IMMP2L: variants seen among roughly 807,000 people sequenced by gnomAD.
IMMP2L encodes mitochondrial inner membrane protease subunit 2.
A neutral mutation model predicts 19.3 loss-of-function variants in IMMP2L; 18 were observed. The ratio of observed to expected loss-of-function variants is 0.93; its 90% CI spans 0.64 to 1.38. The LOEUF is 1.38. Ranked by LOEUF, IMMP2L falls within the 40% of genes most tolerant of loss-of-function variation. The pLI, the probability that IMMP2L is intolerant of heterozygous loss-of-function variation, is 0.00. For synonymous variants in IMMP2L, 76 were observed against 73.0 expected (o/e 1.04, Z -0.21); for missense variants, 233 against 218.2 (o/e 1.07, Z -0.43).
At chr7:111,263,599 C>A (rs1016260005) in intron 3 of IMMP2L, among the ~76,000 whole-genome samples, 2 of 152,054 alleles carry the variant, frequency 1.3e-5, no homozygotes, top group African/African-American at 2.4e-5. Flanking sequence ...CTGGGATAGA[C>A]AGATAAATTT....
At chr7:110,813,005 A>G (rs935947425) in intron 5 of IMMP2L, among the ~76,000 whole-genome samples, 2 of 152,094 alleles carry the variant, frequency 1.3e-5, no homozygotes, top group African/African-American at 4.8e-5. Flanking sequence ...AAAAACTCCT[A>G]GAAGACCTGA....
intron 3 of IMMP2L, among the ~76,000 whole-genome samples, chr7:111,279,524 C>T (rs185513929): frequency 1.3e-5 from 2 of 152,186 alleles, no homozygotes; most frequent in Admixed American, 1.3e-4. Flanking sequence ...CCAAAGGATG[C>T]CATCTTGAGA....
At chr7:110,730,707 A>C (rs1036428241) in intron 5 of IMMP2L, among the ~76,000 whole-genome samples, 4 of 151,894 alleles carry the variant, frequency 2.6e-5, no homozygotes, top group Admixed American at 6.6e-5. Context: ...TTGTATTTTC[A>C]GTAGAGACGG....
chr7:111,124,973 A>G (rs1801138414), intron 3 of IMMP2L: 2 of 1,064,920 alleles, frequency 1.9e-6, no homozygotes, highest in Non-Finnish European at 2.7e-6. Context: ...TGCTAAAAAC[A>G]AAACAAAACA....
Position 111,075,458 on chromosome 7 carries a change from T to C in IMMP2L, c.240-111893A>G, listed in dbSNP as rs181594583. 5.0e-3 allele frequency among the ~76,000 whole-genome samples: 763 copies of C among 152,320 alleles called. 4 individuals are homozygous for C. The highest frequency in any genetic ancestry group is 0.018 in the African/African-American group (731 of 41,572). ...TACAGACACTTAAAAGTTTTATTTA[T>C]ATCTATCATAAATGAATATTAGTAG... On this transcript the variant is annotated intron_variant, in intron 3 of 5. Transcript: ENST00000405709.
At chr7:111,523,805 T>C (rs143078060) in intron 1 of IMMP2L, among the ~76,000 whole-genome samples, 5 of 152,250 alleles carry the variant, frequency 3.3e-5, no homozygotes, top group Admixed American at 2.6e-4. Flanking sequence ...AAGGTACTGA[T>C]TGTTTCTGCG....
At position 111,063,222 on chromosome 7, in the gene IMMP2L, T is replaced by C. The variant is rs139311843; in HGVS notation, c.240-99657A>G. Among the ~76,000 whole-genome samples, 691 of 152,292 alleles carry C rather than the reference T, an allele frequency of 4.5e-3. 4 individuals carry two copies. The highest frequency in any genetic ancestry group is 0.016 in the African/African-American group (661 of 41,578). ...CTATGCACCTGCAGGCTCAAAACCA[T>C]GTGGAGCTGCCAAGGTTTGGTGCTT... On this transcript the variant is annotated intron_variant, in intron 3 of 5. Transcript: ENST00000405709.
At chr7:111,250,039 A>T (rs1815907003) in intron 3 of IMMP2L, among the ~76,000 whole-genome samples, 1 of 152,184 alleles carries the variant, frequency 6.6e-6, no homozygotes, top group Non-Finnish European at 1.5e-5. Flanking sequence ...CCTTAAGCTG[A>T]TAAGCAATTT....
At chr7:110,714,984 G>A (rs1795145412) in intron 5 of IMMP2L, among the ~76,000 whole-genome samples, 1 of 152,014 alleles carries the variant, frequency 6.6e-6, no homozygotes, top group Non-Finnish European at 1.5e-5. Context: ...ATTTCTTCCT[G>A]TTTTCAATTT....
Position 110,808,861 on chromosome 7 carries a change from T to A in IMMP2L, c.408+77732A>T, listed in dbSNP as rs544839067. On this transcript the variant is annotated intron_variant, in intron 5 of 5. Coordinates refer to ENST00000405709, the MANE Select transcript of IMMP2L (RefSeq NM_032549.4). ...TGTGGTTTTCGTCAAAGCAACAATATAATTAAATCTCTCTGAAACTTCAGT... is the reference window on the plus strand; with the variant it reads ...TGTGGTTTTCGTCAAAGCAACAATAAAATTAAATCTCTCTGAAACTTCAGT... 2.0e-5 allele frequency among the ~76,000 whole-genome samples: 3 copies of A among 152,148 alleles called. No individual in the cohort carries two copies. The East Asian group carries it at 5.8e-4, about 30-fold the overall frequency.
Position 111,324,863 on chromosome 7 carries a change from T to C in IMMP2L, c.239+162375A>G, listed in dbSNP as rs146356442. Among the ~76,000 whole-genome samples, 4 of 151,920 alleles carry C rather than the reference T, an allele frequency of 2.6e-5. No individual in the cohort carries two copies. The East Asian group carries it at 7.8e-4, about 29-fold the overall frequency. ...AGATTTTTTTTGAATACTGAAAATC[T>C]AGGGGAACAACTGCTCAACATTTGG... On this transcript the variant is annotated intron_variant, in intron 3 of 5. Transcript: ENST00000405709.
chr7:111,473,805 A>C (rs1841480083), intron 3 of IMMP2L, among the ~76,000 whole-genome samples: 1 of 152,164 alleles, frequency 6.6e-6, no homozygotes, highest in African/African-American at 2.4e-5. Context: ...TTGACCCACC[A>C]AACCCATTAC....
Position 110,875,883 on chromosome 7 carries a change from C to A in IMMP2L, c.408+10710G>T, listed in dbSNP as rs566515541. On this transcript the variant is annotated intron_variant, in intron 5 of 5. Transcript: ENST00000405709. The stretch of plus-strand genomic sequence containing the variant: ...TTCAATATTCCACAACTTGATGAAG[C>A]CTTATAGTTTCCCCTTTCTTTCCAC... 3.9e-4 allele frequency among the ~76,000 whole-genome samples: 60 copies of A among 152,120 alleles called. 1 individual carries two copies. In the South Asian group the frequency reaches 0.012, roughly 29 times the overall value.
intron 4 of IMMP2L, among the ~76,000 whole-genome samples, chr7:110,941,423 G>C (rs190955013): frequency 1.3e-5 from 2 of 152,206 alleles, no homozygotes. Flanking sequence ...CAGTATCTGT[G>C]ATCCTTTTGC....
chr7:111,060,562 T>A lies in IMMP2L; in HGVS notation c.240-96997A>T, dbSNP rs190637130. Among the ~76,000 whole-genome samples the A allele has an allele frequency of 5.6e-3, 853 of 152,300 alleles. 7 individuals are homozygous for A. Among genetic ancestry groups the A allele is most frequent in the Middle Eastern group, 0.034 (10 of 294 alleles). On this transcript the variant is annotated intron_variant, in intron 3 of 5. Coordinates refer to ENST00000405709, the MANE Select transcript of IMMP2L (RefSeq NM_032549.4). ...GGAGTAAAGCTGGTTGAGTTCTGGCTCCAGGACTTACTGGTTGTTAATACT... is the reference window on the plus strand; with the variant it reads ...GGAGTAAAGCTGGTTGAGTTCTGGCACCAGGACTTACTGGTTGTTAATACT...
chr7:111,316,978 T>C (rs190058134), intron 3 of IMMP2L, among the ~76,000 whole-genome samples: 1 of 150,870 alleles, frequency 6.6e-6, no homozygotes, highest in African/African-American at 2.4e-5. Flanking sequence ...GTCTCTCAAG[T>C]AGCTGGGATT....
chr7:111,180,902 TAA>T (rs1405180667), intron 3 of IMMP2L, among the ~76,000 whole-genome samples: 1 of 152,048 alleles, frequency 6.6e-6, no homozygotes, highest in Non-Finnish European at 1.5e-5. Context: ...TTCCTTAAAG[TAA>T]ATCTAGCAAT....
chr7:110,826,616 T>G (rs1803517053), intron 5 of IMMP2L, among the ~76,000 whole-genome samples: 1 of 151,732 alleles, frequency 6.6e-6, no homozygotes, highest in African/African-American at 2.4e-5. Flanking sequence ...AGGTTCTCAC[T>G]CATAGGTGGG....
At chr7:111,499,316 T>C (rs1486181353) in intron 2 of IMMP2L, among the ~76,000 whole-genome samples, 1 of 152,152 alleles carries the variant, frequency 6.6e-6, no homozygotes, top group Non-Finnish European at 1.5e-5. Flanking sequence ...AGACAGGGAA[T>C]ATCAATGTAA....
Sources: allele counts gnomAD v4.1 joint callset (sites outside exome capture counted in the v4.1 genomes callset), GRCh38; gene constraint gnomAD v4.1.1; transcripts MANE v1.5; gene names NCBI Gene and HGNC (gene_info 2026-07-23, HGNC 2026-07-21).